The following SNRNP35 variants were observed in gnomAD, a reference collection of about 807,000 sequenced individuals.
The protein encoded by SNRNP35 is small nuclear ribonucleoprotein U11/U12 subunit 35.
SNRNP35 carries 16 observed loss-of-function variants against 24.3 expected under a neutral mutation model. That is an observed-to-expected ratio of 0.66 (90% CI 0.45 to 1.00). The LOEUF is 1.00. SNRNP35 is among the 50% of genes least tolerant of loss of function. The pLI, the probability that SNRNP35 is intolerant of heterozygous loss-of-function variation, is 0.00. For missense variants in SNRNP35, 292 were observed against 327.2 expected, an observed-to-expected ratio of 0.89 and a Z score of 0.83; for synonymous variants, 106 against 124.8, an observed-to-expected ratio of 0.85 and a Z score of 1.00.
chr12:123,458,294 C>T (rs558487203), intron 1 of SNRNP35, 78 bp downstream of exon 1: 379 of 935,024 alleles, frequency 4.1e-4, no homozygotes, highest in Non-Finnish European at 4.6e-4. Context: ...ACGCTGTGCC[C>T]GCGCTTGTGT....
rs917153803 is a variant in SNRNP35 at position 123,466,091 on chromosome 12, G to A, written c.551G>A (p.Arg184Gln). The A allele has an allele frequency of 5.6e-6, 9 of 1,613,138 alleles. No homozygotes were observed. The highest frequency in any genetic ancestry group is 1.1e-5 in the South Asian group (1 of 90,944). The change falls in exon 2 of 2, where the codon CGG becomes CAG. Residue 184 changes from arginine (R) to glutamine (Q), a missense_variant. Physicochemically the swap from Arg to Gln is conservative, Grantham distance 43. Transcript: ENST00000526639. ...TATAGAGAGGGAAAACGGGAAAGGC[G>A]GGAGCGATCTCGATCCCGAGAAAGA... ...DLYREGKRER[R>Q]ERSRSRERHW... is the part of the protein sequence containing the mutation.
intron 1 of SNRNP35, among the ~76,000 whole-genome samples, chr12:123,460,221 G>A (rs905779335): frequency 6.6e-6 from 1 of 152,126 alleles, no homozygotes; most frequent in African/African-American, 2.4e-5. Context: ...CAGAATACTG[G>A]TTTGTGTGTT....
chr12:123,467,151 T>G (rs1002191877), downstream of SNRNP35, among the ~76,000 whole-genome samples: 2 of 152,186 alleles, frequency 1.3e-5, no homozygotes, highest in Non-Finnish European at 2.9e-5. Context: ...GTTTGCTGAA[T>G]TGAAATAAAA....
At position 123,465,607 on chromosome 12, in the gene SNRNP35, G is replaced by A; in HGVS notation, c.67G>A (p.Asp23Asn). Residue 23 changes from aspartate (D) to asparagine (N), a missense_variant, in exon 2 of 2, where the codon GAT becomes AAT. Physicochemically the swap from Asp to Asn is conservative, Grantham distance 23. Transcript: ENST00000526639. The surrounding 1 kb of genome is among the most constrained non-coding windows in gnomAD (Gnocchi z 4.2). The stretch of plus-strand genomic sequence containing the variant: ...CAAAGCGGGCAGCATTGATGGCACC[G>A]ATGAAGACCCACACGACCGCGCGGT... ...PLKAGSIDGT[D>N]EDPHDRAVWR... 6.2e-7 allele frequency: 1 copy of A among 1,607,010 alleles called. No individual in the cohort carries two copies. Among genetic ancestry groups the A allele is most frequent in the Non-Finnish European group, 8.5e-7 (1 of 1,176,684 alleles).
At chr12:123,471,454 C>T (rs958914684), downstream of SNRNP35, 4 of 152,310 alleles carry the variant, frequency 2.6e-5, no homozygotes, top group African/African-American at 9.6e-5. Context: ...GGAGGTGCTA[C>T]CTCGCTCAAT....
At chr12:123,459,736 C>T (rs1325551447) in intron 1 of SNRNP35, 13 of 973,850 alleles carry the variant, frequency 1.3e-5, no homozygotes, top group Non-Finnish European at 1.7e-5. Context: ...TGCAGTGAGC[C>T]GAGATTGGCC....
downstream of SNRNP35, among the ~76,000 whole-genome samples, chr12:123,467,766 A>G (rs967657852): frequency 1.3e-5 from 2 of 152,222 alleles, no homozygotes; most frequent in East Asian, 1.9e-4. Context: ...CTGTTAGAAC[A>G]GTTTTAGAAA....
intron 1 of SNRNP35, among the ~76,000 whole-genome samples, chr12:123,462,883 A>C (rs575715382): frequency 1.3e-5 from 2 of 152,092 alleles, no homozygotes; most frequent in African/African-American, 4.8e-5. Flanking sequence ...TTCACAGTGC[A>C]CCTCTAAGTA....
At chr12:123,464,169 G>A (rs545334517) in intron 1 of SNRNP35, among the ~76,000 whole-genome samples, 48 of 151,484 alleles carry the variant, frequency 3.2e-4, no homozygotes, top group African/African-American at 1.2e-3. Flanking sequence ...CTGACCTCAG[G>A]TGATCCACCT....
downstream of SNRNP35, chr12:123,470,834 T>A (rs1439664490): frequency 1.3e-5 from 2 of 152,100 alleles, no homozygotes; most frequent in Non-Finnish European, 2.9e-5. Context: ...AAACTGGCAA[T>A]TTTGGTTACC....
At chr12:123,468,525 C>T (rs759183740), downstream of SNRNP35, among the ~76,000 whole-genome samples, 8 of 151,944 alleles carry the variant, frequency 5.3e-5, no homozygotes, top group Non-Finnish European at 1.0e-4. Context: ...CTTCTCTTTA[C>T]GAAAAACACA....
At chr12:123,458,393 G>T (rs9803125) in intron 1 of SNRNP35, among the ~76,000 whole-genome samples, 177 bp downstream of exon 1, 2 of 151,808 alleles carry the variant, frequency 1.3e-5, no homozygotes, top group Admixed American at 1.3e-4. Flanking sequence ...GAAGGATGGC[G>T]CCTTACTCCC....
chr12:123,466,173 G>T lies in SNRNP35; in HGVS notation c.633G>T (p.Trp211Cys). ...ATGACAGGGGCCGGGAGAAGAGATG[G>T]CAAGAAAGAGAGCCGACCAGGGTGT... ...RDHDRGREKR[W>C]QEREPTRVWP... Residue 211 changes from tryptophan to cysteine, a missense_variant, in exon 2 of 2, where the codon TGG becomes TGT. Coordinates refer to ENST00000526639, the MANE Select transcript of SNRNP35 (RefSeq NM_022717.4). The T allele has an allele frequency of 1.2e-6, 2 of 1,605,976 alleles. No homozygotes were observed. The highest frequency in any genetic ancestry group is 2.2e-5 in the South Asian group (2 of 89,954).
downstream of SNRNP35, among the ~76,000 whole-genome samples, chr12:123,469,567 G>A (rs1186924085): frequency 1.3e-5 from 2 of 152,070 alleles, no homozygotes; most frequent in Non-Finnish European, 2.9e-5. Flanking sequence ...TGTGATCACA[G>A]CTCACTGCAG....
chr12:123,460,105 T>A (rs918689220), intron 1 of SNRNP35, among the ~76,000 whole-genome samples: 1 of 152,166 alleles, frequency 6.6e-6, no homozygotes, highest in Non-Finnish European at 1.5e-5. Flanking sequence ...GTGCTAGGAT[T>A]GCTGGCGTGA....
At chr12:123,458,388 A>T (rs1593507518) in intron 1 of SNRNP35, among the ~76,000 whole-genome samples, 172 bp downstream of exon 1, 1 of 151,072 alleles carries the variant, frequency 6.6e-6, no homozygotes, top group Admixed American at 6.7e-5. Context: ...GATTGGAAGG[A>T]TGGCGCCTTA....
exon 2 of SNRNP35, chr12:123,472,796 C>G: frequency 8.5e-7 from 1 of 1,177,374 alleles, no homozygotes; most frequent in Non-Finnish European, 1.2e-6. Context: ...CAAATCAATT[C>G]AAGGTGTGAA....
chr12:123,459,956 G>C, intron 1 of SNRNP35: 1 of 1,128,674 alleles, frequency 8.9e-7, no homozygotes, highest in Admixed American at 1.9e-5. Context: ...ATGCTTATCC[G>C]TTTGTAATTC....
intron 1 of SNRNP35, among the ~76,000 whole-genome samples, chr12:123,460,602 C>CAAAAAAAAAA (rs35255989): frequency 2.5e-5 from 2 of 78,694 alleles, no homozygotes; most frequent in Non-Finnish European, 4.4e-5. Context: ...CCCATCTCTA[C>CAAAAAAAAAA]AAAAAAAAAA....
Sources: gnomAD v4.1 joint callset for allele counts (sites outside exome capture counted in the v4.1 genomes callset) on GRCh38, gnomAD v4.1.1 for gene constraint, Gnocchi (gnomAD v3.1) non-coding constraint, MANE v1.5 for transcripts, NCBI Gene and HGNC (gene_info 2026-07-23, HGNC 2026-07-21) for gene names.